SPTBN1: variants seen among roughly 807,000 people sequenced by gnomAD.
SPTBN1 encodes spectrin beta chain, non-erythrocytic 1.
A neutral mutation model predicts 266.4 loss-of-function variants in SPTBN1; 32 were observed. That is an observed-to-expected ratio of 0.12 (90% CI 0.09 to 0.16). SPTBN1 has a LOEUF of 0.16. Ranked by LOEUF, SPTBN1 falls within the 10% of genes least tolerant of loss-of-function variation. SPTBN1 has a pLI of 1.00. For synonymous variants in SPTBN1, 1,336 were observed against 1,162.2 expected (o/e 1.15, Z -3.04); for missense variants, 2,296 against 3,067.1 (o/e 0.75, Z 5.94).
At chr2:54,655,545 G>A (rs1021939697) in intron 28 of SPTBN1, among the ~76,000 whole-genome samples, 2 of 152,202 alleles carry the variant, frequency 1.3e-5, no homozygotes, top group Admixed American at 6.5e-5. Flanking sequence ...TGGTTAGGAT[G>A]GTGGTAATAA....
chr2:54,651,654 C>G (rs1006834168), intron 26 of SPTBN1, among the ~76,000 whole-genome samples: 12 of 152,144 alleles, frequency 7.9e-5, no homozygotes. Context: ...CTTTTGCTGT[C>G]CTCTTGTACC....
rs1165074976 is a variant in SPTBN1 at position 54,558,320 on chromosome 2, A to G, written c.148+31754A>G. 3.0e-6 allele frequency: 3 copies of G among 991,082 alleles called. No individual in the cohort carries two copies. Among genetic ancestry groups the G allele is most frequent in the Non-Finnish European group, 2.4e-6 (2 of 833,638 alleles). The allele number at this position is 991,082 out of a possible 1,614,324, so 61.4% of individuals were successfully genotyped here. A position where few individuals can be genotyped will look rare whatever the true frequency, so the allele number is the denominator to read the frequency against. ...AATGCTGTTATGCTAATCAGGTGAC[A>G]TCACCGCCCAGCACACGGCGAGTGG... On this transcript the variant is annotated intron_variant, in intron 2 of 35. Transcript: ENST00000356805. This position sits in a 1 kb window ranked among gnomAD's most constrained non-coding sequence, Gnocchi z 4.6.
intron 1 of SPTBN1, among the ~76,000 whole-genome samples, chr2:54,476,829 G>T (rs551256842): frequency 6.6e-6 from 1 of 152,318 alleles, no homozygotes; most frequent in South Asian, 2.1e-4. Context: ...ATTGCAGGCA[G>T]TGTTTTTAAA....
Position 54,498,173 on chromosome 2 carries a change from G to A in SPTBN1, c.-47-28199G>A, listed in dbSNP as rs75309392. 9.3e-3 allele frequency among the ~76,000 whole-genome samples: 1,423 copies of A among 152,280 alleles called. 25 individuals carry two copies. The highest frequency in any genetic ancestry group is 0.031 in the African/African-American group (1,299 of 41,538). ...TGTGGAGCCAAACCCAGACTGAAAGGCAGCAAGAGAGTAGCAGCTAAGAGC... is the reference window on the plus strand; with the variant it reads ...TGTGGAGCCAAACCCAGACTGAAAGACAGCAAGAGAGTAGCAGCTAAGAGC... On this transcript the variant is annotated intron_variant, in intron 1 of 35. Transcript: ENST00000356805.
At chr2:54,623,135 A>G (rs1678104462) in intron 9 of SPTBN1, among the ~76,000 whole-genome samples, 1 of 152,244 alleles carries the variant, frequency 6.6e-6, no homozygotes, top group Non-Finnish European at 1.5e-5. Flanking sequence ...ATTGAAAATT[A>G]TATTAGGTAG....
At position 54,628,305 on chromosome 2, in the gene SPTBN1, T is replaced by C. The variant is rs368711492; in HGVS notation, c.1798+55T>C. The C allele has an allele frequency of 3.1e-5, 47 of 1,537,672 alleles. No individual in the cohort carries two copies. The African/African-American group carries it at 4.8e-4, about 16-fold the overall frequency. ...CCGGGTCACCAGAGATTCATATTTA[T>C]AGAAACACAGTGGGGCTTTTGAAGT... On this transcript the variant is annotated intron_variant, in intron 13 of 35. Coordinates refer to ENST00000356805, the MANE Select transcript of SPTBN1 (RefSeq NM_003128.3). The surrounding 1 kb of genome is among the most constrained non-coding windows in gnomAD (Gnocchi z 4.3).
intron 17 of SPTBN1, among the ~76,000 whole-genome samples, chr2:54,635,200 T>G (rs1679036638): frequency 6.6e-6 from 1 of 152,220 alleles, no homozygotes; most frequent in African/African-American, 2.4e-5. Flanking sequence ...CTCCCTAGTT[T>G]TAAAAGGTCC....
chr2:54,519,791 A>T (rs1343573530), intron 1 of SPTBN1, among the ~76,000 whole-genome samples: 1 of 152,136 alleles, frequency 6.6e-6, no homozygotes, highest in African/African-American at 2.4e-5. Context: ...GAGGAGCTGG[A>T]ATGAGAAACT....
At chr2:54,612,082 C>G (rs1351193875) in intron 3 of SPTBN1, 79 bp from the exon 4 acceptor site, 1 of 1,376,542 alleles carries the variant, frequency 7.3e-7, no homozygotes, top group African/African-American at 1.5e-5. Flanking sequence ...TGAATGGGCA[C>G]ATGTGACTAG....
In SPTBN1 at chr2:54,664,597, C is replaced by G; in HGVS notation, c.6565C>G (p.Pro2189Ala). Residue 2189 changes from proline (P) to alanine (A), a missense_variant, in exon 33 of 36, where the codon CCA (proline) becomes GCA (alanine). Around this residue, in one of 12 missense-constraint regions of SPTBN1, gnomAD observed 347 missense variants for 368.5 expected, o/e 0.94. Transcript: ENST00000356805. This position sits in a 1 kb window ranked among gnomAD's most constrained non-coding sequence, Gnocchi z 5.6. ...CCCAGCCCAGAGTGCCGCCACCTTA[C>G]CAGCCAGAACCCAGGAGACACCTTC... Reference protein sequence around the residue: ...ALPAQSAATLPARTQETPSAQ... With the variant: ...ALPAQSAATLAARTQETPSAQ... 6.2e-7 allele frequency: 1 copy of G among 1,614,168 alleles called. No homozygotes were observed. The highest frequency in any genetic ancestry group is 8.5e-7 in the Non-Finnish European group (1 of 1,180,036).
intron 1 of SPTBN1, among the ~76,000 whole-genome samples, chr2:54,462,137 G>T (rs556734132): frequency 6.6e-6 from 1 of 152,142 alleles, no homozygotes; most frequent in Non-Finnish European, 1.5e-5. Context: ...AATAATATTA[G>T]TTTCTCTTAG....
Position 54,637,862 on chromosome 2 carries a change from C to T in SPTBN1, c.3858+59C>T, listed in dbSNP as rs1464829762. 1.3e-5 allele frequency: 18 copies of T among 1,361,626 alleles called. No homozygotes were observed. The East Asian group carries it at 4.0e-4, about 30-fold the overall frequency. The allele number at this position is 1,361,626 out of a possible 1,614,324, so 84.3% of individuals were successfully genotyped here. A position where few individuals can be genotyped will look rare whatever the true frequency, so the allele number is the denominator to read the frequency against. ...TCCAGTAATAGCAATTGCCAGCCAG[C>T]ATTTAGCACAAGAGCCTTTTGAATT... is the stretch of plus-strand genomic sequence containing the variant. On this transcript the variant is annotated intron_variant, in intron 18 of 35. Transcript: ENST00000356805.
chr2:54,612,149 T>A lies in SPTBN1; in HGVS notation c.301-12T>A. Reference sequence around the variant, plus strand: ...GGGTGATGTGTCTCTACCTCTGCTCTCCTGTTTCTAGCCTAAACCCACCAA... The same window carrying A: ...GGGTGATGTGTCTCTACCTCTGCTCACCTGTTTCTAGCCTAAACCCACCAA... On this transcript the variant is annotated splice_polypyrimidine_tract_variant and intron_variant, in intron 3 of 35. Transcript: ENST00000356805. 8 of 1,579,418 alleles carry A rather than the reference T, an allele frequency of 5.1e-6. No individual in the cohort carries two copies. The highest frequency in any genetic ancestry group is 4.3e-6 in the Non-Finnish European group (5 of 1,158,614).
At chr2:54,584,862 A>G (rs1374781707) in intron 2 of SPTBN1, among the ~76,000 whole-genome samples, 1 of 152,096 alleles carries the variant, frequency 6.6e-6, no homozygotes, top group African/African-American at 2.4e-5. Context: ...AACTACAAAC[A>G]GCCAGGTCCC....
chr2:54,522,231 G>T (rs1225579651), intron 1 of SPTBN1, among the ~76,000 whole-genome samples: 3 of 152,138 alleles, frequency 2.0e-5, no homozygotes, highest in Non-Finnish European at 4.4e-5. Context: ...AACAATAGTA[G>T]TGTTTTTAAG....
At chr2:54,618,045 A>G in intron 6 of SPTBN1, 33 bp from the exon 7 acceptor site, 4 of 1,539,864 alleles carry the variant, frequency 2.6e-6, no homozygotes, top group Non-Finnish European at 3.6e-6. Flanking sequence ...TCAAGCCATG[A>G]TTTTTGTTGT....
chr2:54,458,711 A>C (rs574143546), intron 1 of SPTBN1, among the ~76,000 whole-genome samples: 1 of 152,242 alleles, frequency 6.6e-6, no homozygotes, highest in Non-Finnish European at 1.5e-5. Context: ...CCATCTCTAT[A>C]ATTCATTATT....
chr2:54,589,771 G>T (rs1191337616), intron 2 of SPTBN1, among the ~76,000 whole-genome samples: 1 of 152,154 alleles, frequency 6.6e-6, no homozygotes, highest in African/African-American at 2.4e-5. Context: ...AATACAGCCA[G>T]CTGCCTGTTT....
At chr2:54,525,733 C>CT (rs968715419) in intron 1 of SPTBN1, among the ~76,000 whole-genome samples, 6 of 151,972 alleles carry the variant, frequency 3.9e-5, no homozygotes, top group Admixed American at 6.5e-5. Flanking sequence ...GATAACATTT[C>CT]TTTTTTTTTC....
Sources: allele counts gnomAD v4.1 joint callset (sites outside exome capture counted in the v4.1 genomes callset), GRCh38; gene constraint gnomAD v4.1.1; regional missense constraint gnomAD v4.1.1; non-coding constraint Gnocchi (gnomAD v3.1); transcripts MANE v1.5; gene names NCBI Gene and HGNC (gene_info 2026-07-23, HGNC 2026-07-21).